The following COL23A1 variants were observed in gnomAD, a reference collection of about 807,000 sequenced individuals.
COL23A1 encodes the protein collagen type XXIII alpha 1 chain.
COL23A1 carries 97 observed loss-of-function variants against 99.3 expected under a neutral mutation model. The ratio of observed to expected loss-of-function variants is 0.98; its 90% CI spans 0.83 to 1.16. COL23A1 has a LOEUF of 1.16. Among genes scored for constraint, COL23A1 ranks in the 50% most tolerant of loss-of-function variants. The probability of loss-of-function intolerance (pLI) is 0.00; values close to 1 mark genes in which losing one functional copy is unlikely to be tolerated. For synonymous variants in COL23A1, 320 were observed against 308.2 expected (o/e 1.04, Z -0.40); for missense variants, 762 against 757.4 (o/e 1.01, Z -0.07).
chr5:178,588,972 C>A (rs1361049255), intron 1 of COL23A1, among the ~76,000 whole-genome samples: 1 of 152,130 alleles, frequency 6.6e-6, no homozygotes, highest in Non-Finnish European at 1.5e-5. Context: ...GAGGAAGGCT[C>A]GGCAGGGGAG....
chr5:178,405,254 G>C (rs563937417), intron 2 of COL23A1, among the ~76,000 whole-genome samples: 11 of 152,352 alleles, frequency 7.2e-5, no homozygotes, highest in Non-Finnish European at 1.3e-4. Context: ...TTCTGCCTTG[G>C]TTTTGTGAGT....
chr5:178,534,715 G>A (rs1467526194), intron 2 of COL23A1, among the ~76,000 whole-genome samples: 2 of 152,006 alleles, frequency 1.3e-5, no homozygotes, highest in Non-Finnish European at 2.9e-5. Context: ...GGAGGCGGAG[G>A]TTGCAGTGAG....
intron 3 of COL23A1, among the ~76,000 whole-genome samples, chr5:178,299,487 G>A (rs1757918237): frequency 6.6e-6 from 1 of 152,032 alleles, no homozygotes; most frequent in Non-Finnish European, 1.5e-5. Context: ...AAGGTTGCTA[G>A]TGATGTACCT....
Position 178,590,155 on chromosome 5 carries a change from TC to T in COL23A1, c.42del (p.Lys15ArgfsTer22). ...GERAGGGGDA[G>X]KGNAAGGGGG... ...CCGCCGCCGCCCGCCGCATTGCCCT[TC>T]CCCGCGTCGCCGCCGCCACCGGCGC... On this transcript the variant is annotated frameshift_variant, in exon 1 of 29. Coordinates refer to ENST00000390654, the MANE Select transcript of COL23A1 (RefSeq NM_173465.4). LOFTEE classifies it high-confidence loss of function. This position sits in a 1 kb window ranked among gnomAD's most constrained non-coding sequence, Gnocchi z 5.7. 8.2e-7 allele frequency: 1 copy of T among 1,226,572 alleles called. No homozygotes were observed. The highest frequency in any genetic ancestry group is 1.0e-6 in the Non-Finnish European group (1 of 988,972). The allele number at this position is 1,226,572 out of a possible 1,614,324, so 76.0% of individuals were successfully genotyped here. A position where few individuals can be genotyped will look rare whatever the true frequency, so the allele number is the denominator to read the frequency against.
chr5:178,298,129 T>G (rs1757847366), intron 3 of COL23A1, among the ~76,000 whole-genome samples: 1 of 152,160 alleles, frequency 6.6e-6, no homozygotes, highest in Non-Finnish European at 1.5e-5. Flanking sequence ...GTCAGGAATG[T>G]GGGAGCAATT....
Position 178,502,295 on chromosome 5 carries a change from C to A in COL23A1, c.361+58387G>T, listed in dbSNP as rs558084701. Among the ~76,000 whole-genome samples the A allele has an allele frequency of 5.8e-3, 888 of 152,252 alleles. 6 individuals are homozygous for A. The highest frequency in any genetic ancestry group is 9.0e-3 in the Non-Finnish European group (611 of 68,032). Reference sequence around the variant, plus strand: ...TACAGGCGCCCGCCACCACGCCCGGCTAATTTTTTGTATTTTTAGTAGAGA... The same window carrying A: ...TACAGGCGCCCGCCACCACGCCCGGATAATTTTTTGTATTTTTAGTAGAGA... On this transcript the variant is annotated intron_variant, in intron 2 of 28. Coordinates refer to ENST00000390654, the MANE Select transcript of COL23A1 (RefSeq NM_173465.4).
At chr5:178,268,357 T>C (rs1470488440) in intron 7 of COL23A1, among the ~76,000 whole-genome samples, 2 of 152,178 alleles carry the variant, frequency 1.3e-5, no homozygotes, top group African/African-American at 4.8e-5. Context: ...CTTGTCTTCC[T>C]GATGGGTGTC....
intron 2 of COL23A1, among the ~76,000 whole-genome samples, chr5:178,371,764 A>C: frequency 6.6e-6 from 1 of 151,410 alleles, no homozygotes; most frequent in East Asian, 1.9e-4. Flanking sequence ...CCTGTCATCT[A>C]CTCTCGGCCA....
chr5:178,496,288 G>A (rs1038124421), intron 2 of COL23A1, among the ~76,000 whole-genome samples: 3 of 152,114 alleles, frequency 2.0e-5, no homozygotes, highest in East Asian at 1.9e-4. Context: ...ATGAGGCCCC[G>A]AAGCCACTCA....
At position 178,334,851 on chromosome 5, in the gene COL23A1, G is replaced by A. The variant is rs1402047926; in HGVS notation, c.362-27932C>T. ...TACAGGTAAGATGACAGGGCCCAAA[G>A]AGGTGGCTTTCTTAGTGTCACACAC... On this transcript the variant is annotated intron_variant, in intron 2 of 28. Coordinates refer to ENST00000390654, the MANE Select transcript of COL23A1 (RefSeq NM_173465.4). 2.6e-5 allele frequency among the ~76,000 whole-genome samples: 4 copies of A among 152,204 alleles called. No homozygotes were observed. In the East Asian group the frequency reaches 7.7e-4, roughly 29 times the overall value.
intron 2 of COL23A1, among the ~76,000 whole-genome samples, chr5:178,541,870 G>A (rs1248982356): frequency 1.3e-5 from 2 of 152,188 alleles, no homozygotes; most frequent in African/African-American, 4.8e-5. Context: ...TTCAAATGCA[G>A]GCAGAACCAG....
chr5:178,291,829 G>T (rs1386832777), intron 3 of COL23A1, among the ~76,000 whole-genome samples: 1 of 151,780 alleles, frequency 6.6e-6, no homozygotes, highest in Non-Finnish European at 1.5e-5. Context: ...GGAGAGAGAT[G>T]ACAAGGATTT....
intron 2 of COL23A1, among the ~76,000 whole-genome samples, chr5:178,526,211 T>C (rs1177272632): frequency 6.6e-6 from 1 of 152,206 alleles, no homozygotes; most frequent in Non-Finnish European, 1.5e-5. Flanking sequence ...ATCCTTCCCA[T>C]ACTTCCAGTA....
chr5:178,318,757 C>T (rs1162663139), intron 2 of COL23A1, among the ~76,000 whole-genome samples: 2 of 152,108 alleles, frequency 1.3e-5, no homozygotes, highest in Non-Finnish European at 2.9e-5. Context: ...AAAAAATTAG[C>T]CGGGTGTGGT....
At chr5:178,394,706 C>A (rs926479556) in intron 2 of COL23A1, among the ~76,000 whole-genome samples, 35 of 152,170 alleles carry the variant, frequency 2.3e-4, no homozygotes, top group Admixed American at 1.9e-3. Flanking sequence ...CCATCTGCTA[C>A]ACATGGGGAA....
intron 2 of COL23A1, among the ~76,000 whole-genome samples, chr5:178,406,132 AT>A (rs1764752024): frequency 6.6e-6 from 1 of 152,154 alleles, no homozygotes; most frequent in Non-Finnish European, 1.5e-5. Context: ...ACAAAAACTA[AT>A]GGCATTCTCA....
intron 2 of COL23A1, among the ~76,000 whole-genome samples, chr5:178,332,637 C>T (rs1373945339): frequency 1.3e-5 from 2 of 152,174 alleles, no homozygotes; most frequent in Non-Finnish European, 2.9e-5. Context: ...GAAACAGACT[C>T]GTTCAGCTAA....
At chr5:178,245,792 G>A (rs753600993) in intron 25 of COL23A1, 150 bp downstream of exon 25, 59 of 846,008 alleles carry the variant, frequency 7.0e-5, no homozygotes, top group Admixed American at 2.4e-4. Context: ...CACTGGACTT[G>A]GCAATGGGGA....
chr5:178,485,115 C>T lies in COL23A1; in HGVS notation c.361+75567G>A, dbSNP rs148805776. ...ATTCCAGCAATATGCTATTGGTTAG[C>T]TTATGCCTTTATTCCCCACCTCATT... On this transcript the variant is annotated intron_variant, in intron 2 of 28. Transcript: ENST00000390654. Among the ~76,000 whole-genome samples, 24 of 152,300 alleles carry T rather than the reference C, an allele frequency of 1.6e-4. 2 individuals are homozygous for T. The East Asian group carries it at 4.2e-3, about 27-fold the overall frequency.
Sources: allele counts gnomAD v4.1 joint callset (sites outside exome capture counted in the v4.1 genomes callset), GRCh38; gene constraint gnomAD v4.1.1; non-coding constraint Gnocchi (gnomAD v3.1); transcripts MANE v1.5; gene names NCBI Gene and HGNC (gene_info 2026-07-23, HGNC 2026-07-21).